The following ARHGEF10 variants were observed in gnomAD, a reference collection of about 807,000 sequenced individuals.
ARHGEF10 encodes Rho guanine nucleotide exchange factor 10.
ARHGEF10 carries 140 observed loss-of-function variants against 147.4 expected under a neutral mutation model. The observed-to-expected ratio is 0.95, with a 90% CI of 0.83 to 1.09. The LOEUF (loss-of-function observed/expected upper bound fraction) is 1.09, where lower values mean the gene tolerates loss of function less well. ARHGEF10 is among the 50% of genes least tolerant of loss of function. The probability of loss-of-function intolerance (pLI) is 0.00; values close to 1 mark genes in which losing one functional copy is unlikely to be tolerated. For missense variants in ARHGEF10, 2,222 were observed against 1,752.7 expected, an observed-to-expected ratio of 1.27 and a Z score of -4.78; for synonymous variants, 902 against 695.8, an observed-to-expected ratio of 1.30 and a Z score of -4.67.
rs764954993 is a variant in ARHGEF10 at position 1,902,445 on chromosome 8, T to G, written c.1651-836T>G. On this transcript the variant is annotated intron_variant, in intron 15 of 28. Transcript: ENST00000349830. The stretch of plus-strand genomic sequence containing the variant: ...TTGATTTGTGCCACATACCCTCCCT[T>G]TGACCTCCTCGTGCTTGTCTGAAAC... 5.3e-5 allele frequency among the ~76,000 whole-genome samples: 8 copies of G among 152,308 alleles called. No homozygotes were observed. In the South Asian group the frequency reaches 1.2e-3, roughly 24 times the overall value.
At chr8:1,840,687 T>G (rs1366515735) in intron 1 of ARHGEF10, among the ~76,000 whole-genome samples, 2 of 128,620 alleles carry the variant, frequency 1.6e-5, no homozygotes. Flanking sequence ...TTGCTGCACT[T>G]GTCTTTGAGG....
At position 1,957,267 on chromosome 8, in the gene ARHGEF10, G is replaced by T; in HGVS notation, c.*4G>T. On this transcript the variant is annotated 3_prime_UTR_variant, in exon 29 of 29. Coordinates refer to ENST00000349830, the MANE Select transcript of ARHGEF10 (RefSeq NM_014629.4). ...GATCCCTCTGCTGAATATATAAGCA[G>T]GACGGCCGCCTTCTGCTGTCAGAAT... 1 of 1,607,476 alleles carries T rather than the reference G, an allele frequency of 6.2e-7. No homozygotes were observed. Among genetic ancestry groups the T allele is most frequent in the Non-Finnish European group, 8.5e-7 (1 of 1,178,830 alleles).
intron 25 of ARHGEF10, among the ~76,000 whole-genome samples, chr8:1,931,575 G>T (rs1813151419): frequency 6.6e-6 from 1 of 152,206 alleles, no homozygotes; most frequent in African/African-American, 2.4e-5. Flanking sequence ...GAGGCAGCCT[G>T]CGCAGAAGCG....
Position 1,880,179 on chromosome 8 carries a change from C to G in ARHGEF10, c.960+15C>G. 6.3e-7 allele frequency: 1 copy of G among 1,579,448 alleles called. No homozygotes were observed. The highest frequency in any genetic ancestry group is 1.3e-5 in the African/African-American group (1 of 74,312). On this transcript the variant is annotated intron_variant, in intron 9 of 28. Coordinates refer to ENST00000349830, the MANE Select transcript of ARHGEF10 (RefSeq NM_014629.4). Reference sequence around the variant, plus strand: ...ATGAACTGAAGGTAGAGTCTTGCCCCCGGCCGCTGCCCCCACTTGCCAGCC... The same window carrying G: ...ATGAACTGAAGGTAGAGTCTTGCCCGCGGCCGCTGCCCCCACTTGCCAGCC...
In ARHGEF10 at chr8:1,901,822, ATAG is replaced by A. The variant is rs543599599; in HGVS notation, c.1651-1458_1651-1456del. Among the ~76,000 whole-genome samples the A allele has an allele frequency of 1.4e-4, 22 of 152,358 alleles. No homozygotes were observed. In the South Asian group the frequency reaches 4.6e-3, roughly 32 times the overall value. On this transcript the variant is annotated intron_variant, in intron 15 of 28. Transcript: ENST00000349830. ...TTGTGACTCATAGGAAAACAAATGTATAGAATAGTTTATATTCATTACAAACTG... is the reference window on the plus strand; with the variant it reads ...TTGTGACTCATAGGAAAACAAATGTAAATAGTTTATATTCATTACAAACTG...
At chr8:1,886,941 C>T (rs958873598) in intron 11 of ARHGEF10, among the ~76,000 whole-genome samples, 1 of 152,168 alleles carries the variant, frequency 6.6e-6, no homozygotes, top group South Asian at 2.1e-4. Context: ...ACAGCCTTTA[C>T]CAGGAACAGA....
chr8:1,947,050 G>A (rs974634465), intron 27 of ARHGEF10, among the ~76,000 whole-genome samples: 2 of 152,372 alleles, frequency 1.3e-5, no homozygotes, highest in Middle Eastern at 3.4e-3. Context: ...GAAAGCAGAC[G>A]CTCTGCTGTG....
At chr8:1,910,817 T>C (rs1811300730) in intron 18 of ARHGEF10, among the ~76,000 whole-genome samples, 1 of 152,370 alleles carries the variant, frequency 6.6e-6, no homozygotes, top group South Asian at 2.1e-4. Context: ...CTAGCAATCT[T>C]AGAATTTATT....
At chr8:1,939,317 CAT>C (rs1241865815) in intron 26 of ARHGEF10, among the ~76,000 whole-genome samples, 2 of 152,262 alleles carry the variant, frequency 1.3e-5, no homozygotes, top group Non-Finnish European at 2.9e-5. Context: ...CCAGAAGAAA[CAT>C]AGCAAACATT....
At chr8:1,899,199 C>G (rs1033804740) in intron 15 of ARHGEF10, among the ~76,000 whole-genome samples, 4 of 152,172 alleles carry the variant, frequency 2.6e-5, no homozygotes, top group African/African-American at 7.2e-5. Flanking sequence ...GTTGCCCGCT[C>G]GTTTTCCGAC....
At chr8:1,846,930 G>T (rs1804607995) in intron 2 of ARHGEF10, among the ~76,000 whole-genome samples, 1 of 152,200 alleles carries the variant, frequency 6.6e-6, no homozygotes, top group Non-Finnish European at 1.5e-5. Context: ...ATTTGTGTTT[G>T]TGAGTATTTT....
intron 18 of ARHGEF10, among the ~76,000 whole-genome samples, chr8:1,917,957 T>G (rs1811884383): frequency 6.6e-6 from 1 of 151,818 alleles, no homozygotes; most frequent in Non-Finnish European, 1.5e-5. Context: ...TTTTTTTTTT[T>G]TTGTATTTTT....
chr8:1,934,247 G>A (rs570990832), intron 26 of ARHGEF10, among the ~76,000 whole-genome samples: 2 of 151,888 alleles, frequency 1.3e-5, no homozygotes, highest in Admixed American at 6.6e-5. Context: ...CCAAGTACTC[G>A]GGAGGCTGAG....
At position 1,841,992 on chromosome 8, in the gene ARHGEF10, G is replaced by GCGGCGGGAACTGGGT. The variant is rs1563161999; in HGVS notation, c.-47-1360_-47-1359insGGCGGGAACTGGGTC. On this transcript the variant is annotated intron_variant, in intron 1 of 28. Transcript: ENST00000349830. ...AACTGGGGCCGCGGCGGGAACTGGG[G>GCGGCGGGAACTGGGT]CCGCGGCGGGAACTGGGGCCGCGGC... is the stretch of plus-strand genomic sequence containing the variant. Among the ~76,000 whole-genome samples, 83 of 42,038 alleles carry GCGGCGGGAACTGGGT rather than the reference G, an allele frequency of 2.0e-3. 8 individuals are homozygous for GCGGCGGGAACTGGGT. The highest frequency in any genetic ancestry group is 6.3e-3 in the East Asian group (8 of 1,278). 27.6% of individuals were successfully genotyped at this position (42,038 alleles called of 152,430 possible). A position where few individuals can be genotyped will look rare whatever the true frequency, so the allele number is the denominator to read the frequency against.
intron 14 of ARHGEF10, among the ~76,000 whole-genome samples, chr8:1,897,543 C>T (rs920894482): frequency 6.7e-6 from 1 of 149,978 alleles, no homozygotes; most frequent in Non-Finnish European, 1.5e-5. Flanking sequence ...ATCGCAGTTC[C>T]CCCTCTGGAC....
chr8:1,873,114 C>G (rs1294260677), intron 7 of ARHGEF10, among the ~76,000 whole-genome samples: 1 of 152,180 alleles, frequency 6.6e-6, no homozygotes, highest in African/African-American at 2.4e-5. Context: ...AAGGACAGCA[C>G]AAGCAGGAGT....
intron 17 of ARHGEF10, among the ~76,000 whole-genome samples, chr8:1,908,286 T>A (rs189809008): frequency 7.5e-5 from 11 of 147,550 alleles, no homozygotes; most frequent in Admixed American, 5.5e-4. Context: ...GCTGGAGTGC[T>A]GTGGCTCGAT....
chr8:1,907,002 C>G (rs571434865), intron 17 of ARHGEF10, among the ~76,000 whole-genome samples: 13 of 152,344 alleles, frequency 8.5e-5, no homozygotes, highest in South Asian at 6.2e-4. Context: ...GGACGCCTGG[C>G]GACAGCCGCA....
chr8:1,924,940 T>G (rs1812572247), intron 21 of ARHGEF10, among the ~76,000 whole-genome samples: 1 of 152,254 alleles, frequency 6.6e-6, no homozygotes, highest in South Asian at 2.1e-4. Flanking sequence ...TCTAAACATT[T>G]CTTTTGCTTT....
Sources: allele counts gnomAD v4.1 joint callset (sites outside exome capture counted in the v4.1 genomes callset), GRCh38; gene constraint gnomAD v4.1.1; transcripts MANE v1.5; gene names NCBI Gene and HGNC (gene_info 2026-07-23, HGNC 2026-07-21).